Variants in KAZN observed in about 807,000 individuals in gnomAD.
KAZN encodes kazrin.
KAZN carries 40 observed loss-of-function variants against 87.4 expected under a neutral mutation model. The ratio of observed to expected loss-of-function variants is 0.46; its 90% CI spans 0.36 to 0.60. The LOEUF is 0.60. Ranked by LOEUF, KAZN falls within the 20% of genes least tolerant of loss-of-function variation. KAZN has a pLI of 0.00. For missense variants in KAZN, 898 were observed against 1,073.9 expected (o/e 0.84, Z 2.29); for synonymous variants, 466 against 458.3 (o/e 1.02, Z -0.22).
intron 1 of KAZN, among the ~76,000 whole-genome samples, chr1:14,736,825 C>T (rs1248415740): frequency 1.3e-5 from 2 of 152,134 alleles, no homozygotes; most frequent in Non-Finnish European, 2.9e-5. Flanking sequence ...TCTGAAGAGA[C>T]ATTGCCATAG....
intron 1 of KAZN, among the ~76,000 whole-genome samples, chr1:13,954,693 A>G (rs77221769): frequency 0.017 from 2,580 of 152,300 alleles, 69 homozygotes; most frequent in African/African-American, 0.058. Context: ...ATTCATCACC[A>G]TGCAAGACTT....
At chr1:14,678,821 T>C (rs1163567878) in intron 1 of KAZN, among the ~76,000 whole-genome samples, 1 of 152,174 alleles carries the variant, frequency 6.6e-6, no homozygotes, top group Non-Finnish European at 1.5e-5. Flanking sequence ...GGATATAATA[T>C]AGCCCTTATG....
At chr1:13,902,837 A>G (rs140294789) in intron 1 of KAZN, among the ~76,000 whole-genome samples, 2 of 152,388 alleles carry the variant, frequency 1.3e-5, no homozygotes, top group Admixed American at 1.3e-4. Flanking sequence ...ATCAAAATAC[A>G]TAAGTAAATA....
At chr1:14,967,509 A>G (rs74060006) in intron 2 of KAZN, among the ~76,000 whole-genome samples, 1,542 of 152,196 alleles carry the variant, frequency 0.01, 27 homozygotes, top group African/African-American at 0.032. Context: ...GGGACTTGTG[A>G]ATGAGTTAGG....
intron 2 of KAZN, among the ~76,000 whole-genome samples, chr1:14,297,250 T>A (rs922958003): frequency 6.6e-6 from 1 of 152,190 alleles, no homozygotes; most frequent in Non-Finnish European, 1.5e-5. Flanking sequence ...TTGCCTTGGT[T>A]AAAAGATAAG....
At chr1:14,697,785 C>T (rs376470055) in intron 1 of KAZN, among the ~76,000 whole-genome samples, 2 of 152,390 alleles carry the variant, frequency 1.3e-5, no homozygotes, top group African/African-American at 4.8e-5. Context: ...ACTGTGGTCT[C>T]AGGGGCCTAG....
intron 1 of KAZN, among the ~76,000 whole-genome samples, chr1:14,030,064 G>A (rs998729445): frequency 1.0e-3 from 153 of 151,938 alleles, no homozygotes; most frequent in African/African-American, 3.6e-3. Context: ...ATTACCTTGG[G>A]CAGTATGGCC....
At chr1:14,759,331 T>C (rs1162874061) in intron 1 of KAZN, among the ~76,000 whole-genome samples, 1 of 152,138 alleles carries the variant, frequency 6.6e-6, no homozygotes, top group Non-Finnish European at 1.5e-5. Context: ...GAAAAATCAA[T>C]TTCCACTGTC....
intron 8 of KAZN, among the ~76,000 whole-genome samples, chr1:15,084,407 C>T (rs1573273830): frequency 6.6e-6 from 1 of 152,316 alleles, no homozygotes. Flanking sequence ...CCTCCCTCTA[C>T]AAAACCAATA....
chr1:14,565,806 A>G (rs780235204), intron 2 of KAZN, among the ~76,000 whole-genome samples: 7 of 152,172 alleles, frequency 4.6e-5, no homozygotes, highest in African/African-American at 9.7e-5. Flanking sequence ...CATCTATTCA[A>G]ATTTGATCCT....
chr1:15,072,133 C>T (rs1557779165), intron 8 of KAZN, among the ~76,000 whole-genome samples: 1 of 152,176 alleles, frequency 6.6e-6, no homozygotes, highest in African/African-American at 2.4e-5. Flanking sequence ...CCTCAGTGTA[C>T]TCATCTGTAA....
intron 1 of KAZN, among the ~76,000 whole-genome samples, chr1:14,872,871 G>A (rs765919697): frequency 6.6e-5 from 10 of 152,006 alleles, no homozygotes; most frequent in Non-Finnish European, 1.5e-4. Flanking sequence ...TGAATAGATG[G>A]GTGGATGGAT....
intron 1 of KAZN, among the ~76,000 whole-genome samples, chr1:14,841,260 C>T (rs537440890): frequency 1.3e-4 from 20 of 151,914 alleles, no homozygotes; most frequent in Admixed American, 3.3e-4. Flanking sequence ...AAAAAGTTAG[C>T]CAGGCGTGGT....
chr1:14,972,305 C>CT (rs1464373257), intron 2 of KAZN, among the ~76,000 whole-genome samples: 1 of 152,170 alleles, frequency 6.6e-6, no homozygotes, highest in East Asian at 1.9e-4. Flanking sequence ...AGGAGAAGAC[C>CT]TTTGGTGTGA....
At chr1:15,113,499 A>G (rs1641729322) in intron 14 of KAZN, 1 of 152,212 alleles carries the variant, frequency 6.6e-6, no homozygotes. Flanking sequence ...AGTCAAATAA[A>G]TAGTTACAAA....
chr1:13,976,507 G>A (rs1638365028), intron 1 of KAZN, among the ~76,000 whole-genome samples: 1 of 151,616 alleles, frequency 6.6e-6, no homozygotes, highest in South Asian at 2.1e-4. Flanking sequence ...AAATATCTAG[G>A]ATGCTGAGGT....
chr1:15,032,241 G>A (rs529768154), intron 2 of KAZN, among the ~76,000 whole-genome samples: 16 of 140,520 alleles, frequency 1.1e-4, no homozygotes, highest in Admixed American at 1.0e-3. Context: ...TGCCCAGGCT[G>A]GAGTGCAGTG....
intron 1 of KAZN, among the ~76,000 whole-genome samples, chr1:14,827,502 G>A (rs1646927974): frequency 1.3e-5 from 2 of 152,072 alleles, no homozygotes; most frequent in African/African-American, 4.8e-5. Flanking sequence ...GTGAGAACAT[G>A]CGACGTTTGC....
chr1:14,383,129 G>A (rs1557678674), intron 2 of KAZN, among the ~76,000 whole-genome samples: 2 of 152,102 alleles, frequency 1.3e-5, no homozygotes, highest in African/African-American at 2.4e-5. Context: ...TTTGAGAAGT[G>A]TCTGTTCATA....
Sources: gnomAD v4.1 joint callset for allele counts (sites outside exome capture counted in the v4.1 genomes callset) on GRCh38, gnomAD v4.1.1 for gene constraint, MANE v1.5 for transcripts, NCBI Gene and HGNC (gene_info 2026-07-23, HGNC 2026-07-21) for gene names.